Variants in RNF19A observed in about 807,000 individuals in gnomAD.
The protein encoded by RNF19A is ring finger protein 19A, RBR E3 ubiquitin protein ligase.
Under a neutral mutation model 75.7 loss-of-function variants are expected in RNF19A, and 32 were observed. The observed-to-expected ratio is 0.42, with a 90% CI of 0.32 to 0.57. The LOEUF (loss-of-function observed/expected upper bound fraction) is 0.57. Among genes scored for constraint, RNF19A ranks in the 20% least tolerant of loss-of-function variants. The probability of loss-of-function intolerance (pLI) is 0.10; values close to 1 mark genes in which losing one functional copy is unlikely to be tolerated. For synonymous variants in RNF19A, 335 were observed against 345.2 expected (o/e 0.97, Z 0.33); for missense variants, 782 against 1,036.3 (o/e 0.75, Z 3.37).
At chr8:100,334,249 G>C (rs1217167075) in intron 1 of RNF19A, among the ~76,000 whole-genome samples, 2 of 152,168 alleles carry the variant, frequency 1.3e-5, no homozygotes, top group Non-Finnish European at 2.9e-5. Flanking sequence ...CATTTCTTGT[G>C]TGCTAATTTT....
At chr8:100,278,060 T>G (rs1820609002) in intron 2 of RNF19A, among the ~76,000 whole-genome samples, 1 of 152,244 alleles carries the variant, frequency 6.6e-6, no homozygotes, top group Admixed American at 6.5e-5. Context: ...CTTCCACCAC[T>G]TAATACTTGT....
intron 3 of RNF19A, among the ~76,000 whole-genome samples, chr8:100,270,542 T>C (rs1053695338): frequency 3.3e-5 from 5 of 152,080 alleles, no homozygotes; most frequent in African/African-American, 1.2e-4. Context: ...ATAAGCACTA[T>C]AAAAATAGCA....
At chr8:100,278,190 T>C (rs1820614489) in intron 2 of RNF19A, among the ~76,000 whole-genome samples, 1 of 152,268 alleles carries the variant, frequency 6.6e-6, no homozygotes, top group South Asian at 2.1e-4. Context: ...GGCTTTGGCC[T>C]TGGCCTTTAG....
intron 1 of RNF19A, among the ~76,000 whole-genome samples, chr8:100,315,619 A>C (rs58327820): frequency 0.13 from 20,125 of 152,096 alleles, 4,071 homozygotes; most frequent in African/African-American, 0.44. Flanking sequence ...CTTTCCCAGC[A>C]GGGTCATGGA....
intron 2 of RNF19A, among the ~76,000 whole-genome samples, chr8:100,283,270 A>T (rs1049382819): frequency 4.5e-5 from 5 of 112,258 alleles, no homozygotes; most frequent in African/African-American, 2.0e-4. Context: ...CTTTTTGCTC[A>T]TCTGCCTAGA....
chr8:100,295,266 T>C (rs1821500247), intron 1 of RNF19A, among the ~76,000 whole-genome samples: 3 of 152,228 alleles, frequency 2.0e-5, no homozygotes, highest in African/African-American at 7.2e-5. Context: ...CTAGTATTTA[T>C]CAAAATCCAT....
chr8:100,270,349 A>G (rs983716659), intron 3 of RNF19A, among the ~76,000 whole-genome samples: 1 of 152,092 alleles, frequency 6.6e-6, no homozygotes, highest in African/African-American at 2.4e-5. Context: ...GTCCCATAGA[A>G]GTCTTCTGAA....
chr8:100,300,133 G>A (rs984682364), intron 1 of RNF19A, among the ~76,000 whole-genome samples: 1 of 152,160 alleles, frequency 6.6e-6, no homozygotes, highest in Non-Finnish European at 1.5e-5. Context: ...AGCAAAATGT[G>A]TCTGTTTCCC....
chr8:100,275,273 AGCAAACAGTCATAAGCACAATCTC>A lies in RNF19A; in HGVS notation c.675-136_675-113del. ...GAAAAACATTTTCTATTTATACATTAGCAAACAGTCATAAGCACAATCTCACCAATATAAAAATGGGGGAAAATG... is the reference window on the plus strand; with the variant it reads ...GAAAAACATTTTCTATTTATACATTAACCAATATAAAAATGGGGGAAAATG... On this transcript the variant is annotated intron_variant, in intron 2 of 9. Coordinates refer to ENST00000341084, the MANE Select transcript of RNF19A (RefSeq NM_183419.4). This position sits in a 1 kb window ranked among gnomAD's most constrained non-coding sequence, Gnocchi z 4.3. The A allele has an allele frequency of 1.2e-6, 1 of 842,496 alleles. No individual in the cohort carries two copies. 52.2% of individuals were successfully genotyped at this position (842,496 alleles called of 1,614,324 possible).
Position 100,258,171 on chromosome 8 carries a change from A to G in RNF19A, c.*385T>C, listed in dbSNP as rs891156780. On this transcript the variant is annotated 3_prime_UTR_variant, in exon 10 of 10. Coordinates refer to ENST00000341084, the MANE Select transcript of RNF19A (RefSeq NM_183419.4). The surrounding 1 kb of genome is among the most constrained non-coding windows in gnomAD (Gnocchi z 4.3). Reference sequence around the variant, plus strand: ...TCTTTAGTGGTTTCAATAAAATATCACTAACCACTTATCCCTAAAGCCTCA... The same window carrying G: ...TCTTTAGTGGTTTCAATAAAATATCGCTAACCACTTATCCCTAAAGCCTCA... The G allele has an allele frequency of 2.7e-5, 11 of 407,358 alleles. No homozygotes were observed. Among genetic ancestry groups the G allele is most frequent in the Non-Finnish European group, 4.7e-5 (11 of 231,878 alleles). The allele number at this position is 407,358 out of a possible 1,614,324, so 25.2% of individuals were successfully genotyped here.
chr8:100,315,396 G>C (rs571077582), intron 1 of RNF19A, among the ~76,000 whole-genome samples: 1 of 152,200 alleles, frequency 6.6e-6, no homozygotes, highest in South Asian at 2.1e-4. Flanking sequence ...GTTTCACTGG[G>C]GGGGAAAAAT....
chr8:100,324,085 G>A lies in RNF19A; in HGVS notation c.-242-10713C>T, dbSNP rs191683550. 1.3e-5 allele frequency among the ~76,000 whole-genome samples: 2 copies of A among 152,312 alleles called. No homozygotes were observed. Among genetic ancestry groups the A allele is most frequent in the East Asian group, 3.9e-4 (2 of 5,192 alleles). On this transcript the variant is annotated intron_variant, in intron 1 of 3. Coordinates refer to the RNF19A transcript ENST00000519527. This position sits in a 1 kb window ranked among gnomAD's most constrained non-coding sequence, Gnocchi z 4.2. ...AACTGAACAATTACTACAGAGCTGTGATTTTGAGATGACTTTGTTCAAAGA... is the reference window on the plus strand; with the variant it reads ...AACTGAACAATTACTACAGAGCTGTAATTTTGAGATGACTTTGTTCAAAGA...
rs376850005 is a variant in RNF19A at position 100,322,229 on chromosome 8, T to C, written c.-242-8857A>G. Reference sequence around the variant, plus strand: ...CTGTTTAGTCTATATTGAAAATCTGTTGTTTAGTATAGTCCCTTTTATTAA... The same window carrying C: ...CTGTTTAGTCTATATTGAAAATCTGCTGTTTAGTATAGTCCCTTTTATTAA... On this transcript the variant is annotated intron_variant, in intron 1 of 3. Coordinates refer to the RNF19A transcript ENST00000519527. The surrounding 1 kb of genome is among the most constrained non-coding windows in gnomAD (Gnocchi z 5.1). Among the ~76,000 whole-genome samples, 199 of 152,334 alleles carry C rather than the reference T, an allele frequency of 1.3e-3. No homozygotes were observed. The highest frequency in any genetic ancestry group is 4.6e-3 in the African/African-American group (190 of 41,576).
At chr8:100,308,662 TA>T (rs201957875) in intron 1 of RNF19A, among the ~76,000 whole-genome samples, 1 of 149,678 alleles carries the variant, frequency 6.7e-6, no homozygotes, top group Non-Finnish European at 1.5e-5. Flanking sequence ...AAAGATATTT[TA>T]AAAAAATGAA....
rs16898229 is a variant in RNF19A, at chr8:100,323,464, C to T, written c.-242-10092G>A. On this transcript the variant is annotated intron_variant, in intron 1 of 3. Coordinates refer to the RNF19A transcript ENST00000519527. The surrounding 1 kb of genome is among the most constrained non-coding windows in gnomAD (Gnocchi z 4.6). ...ACAGCCTGTTTTTGCAGGATGACCA[C>T]GTTTCACCCTTCTTTTCTGCCATCC... is the stretch of plus-strand genomic sequence containing the variant. Among the ~76,000 whole-genome samples the T allele has an allele frequency of 5.2e-3, 794 of 152,284 alleles. 10 individuals carry two copies. Among genetic ancestry groups the T allele is most frequent in the African/African-American group, 0.019 (774 of 41,548 alleles).
intron 1 of RNF19A, among the ~76,000 whole-genome samples, 199 bp from the exon 2 acceptor site, chr8:100,288,466 CTTAA>C (rs2129948063): frequency 6.6e-6 from 1 of 152,128 alleles, no homozygotes; most frequent in Admixed American, 6.5e-5. Context: ...ATTCTTTAAT[CTTAA>C]TAAAAGATTC....
At chr8:100,296,694 T>C (rs1821580680) in intron 1 of RNF19A, among the ~76,000 whole-genome samples, 1 of 152,176 alleles carries the variant, frequency 6.6e-6, no homozygotes, top group African/African-American at 2.4e-5. Context: ...GATGTCAGAT[T>C]TAACTTGCCA....
intron 1 of RNF19A, among the ~76,000 whole-genome samples, chr8:100,298,102 G>A (rs1821654963): frequency 1.3e-5 from 2 of 151,618 alleles, no homozygotes; most frequent in African/African-American, 2.4e-5. Context: ...AGAATTCAGT[G>A]AAGGGTATGG....
intron 3 of RNF19A, among the ~76,000 whole-genome samples, chr8:100,273,582 C>T (rs1288202526): frequency 6.6e-6 from 1 of 152,140 alleles, no homozygotes; most frequent in Non-Finnish European, 1.5e-5. Context: ...ATAACTAAAT[C>T]ATGATTTATT....
Sources: gnomAD v4.1 joint callset for allele counts (sites outside exome capture counted in the v4.1 genomes callset) on GRCh38, gnomAD v4.1.1 for gene constraint, Gnocchi (gnomAD v3.1) non-coding constraint, MANE v1.5 for transcripts, NCBI Gene and HGNC (gene_info 2026-07-23, HGNC 2026-07-21) for gene names.